Variants in AGTPBP1 observed in about 807,000 individuals in gnomAD.
AGTPBP1 encodes the protein ATP/GTP binding carboxypeptidase 1.
In AGTPBP1, 70 loss-of-function variants were observed where a neutral mutation model predicts 143.9. The observed-to-expected ratio is 0.49, with a 90% confidence interval of 0.40 to 0.59. The LOEUF is 0.59. AGTPBP1 is among the 20% of genes least tolerant of loss of function. The probability of loss-of-function intolerance (pLI) is 0.00; values close to 1 mark genes in which losing one functional copy is unlikely to be tolerated. For missense variants in AGTPBP1, 1,229 were observed against 1,464.5 expected (o/e 0.84, Z 2.62); for synonymous variants, 463 against 500.2 (o/e 0.93, Z 0.99).
intron 25 of AGTPBP1, among the ~76,000 whole-genome samples, chr9:85,558,676 C>T (rs941644366): frequency 2.0e-5 from 3 of 152,072 alleles, no homozygotes; most frequent in Admixed American, 6.5e-5. Flanking sequence ...TACAATACAA[C>T]GACATGATCT....
chr9:85,755,033 T>C, the AGTPBP1 span, among the ~76,000 whole-genome samples: 431 of 152,352 alleles, frequency 2.8e-3, 3 homozygotes, highest in Middle Eastern at 0.017. Context: ...GTAGAGCTAC[T>C]ATAATATTTT....
chr9:85,595,664 T>G (rs936908402), intron 18 of AGTPBP1, among the ~76,000 whole-genome samples: 1 of 152,054 alleles, frequency 6.6e-6, no homozygotes, highest in Non-Finnish European at 1.5e-5. Context: ...GTAGCTGGGA[T>G]TACAGGTGTG....
At chr9:85,555,414 A>G (rs956732740) in intron 25 of AGTPBP1, among the ~76,000 whole-genome samples, 1 of 152,166 alleles carries the variant, frequency 6.6e-6, no homozygotes, top group African/African-American at 2.4e-5. Context: ...CCTGGGGAAC[A>G]TGGTGAAACC....
chr9:85,679,447 A>T (rs1362197949), intron 4 of AGTPBP1, among the ~76,000 whole-genome samples: 1 of 151,612 alleles, frequency 6.6e-6, no homozygotes, highest in Non-Finnish European at 1.5e-5. Flanking sequence ...TCGCTCTGTC[A>T]CCCAGGATGG....
chr9:85,698,294 G>A (rs1482498984), intron 2 of AGTPBP1, among the ~76,000 whole-genome samples: 1 of 152,240 alleles, frequency 6.6e-6, no homozygotes, highest in East Asian at 1.9e-4. Context: ...ATTCCTTTGT[G>A]AGAATCATCC....
Position 85,692,750 on chromosome 9 carries a change from AG to A in AGTPBP1, c.95del (p.Pro32LeufsTer28). 1 of 1,614,028 alleles carries A rather than the reference AG, an allele frequency of 6.2e-7. No homozygotes were observed. The highest frequency in any genetic ancestry group is 8.5e-7 in the Non-Finnish European group (1 of 1,179,946). ...LAQLEKINAE[P>X]SESDTARYVT... The stretch of plus-strand genomic sequence containing the variant: ...CATATCGGGCAGTGTCTGATTCTGA[AG>A]GCTCAGCATTGATCTTCTCCAGTTG... On this transcript the variant is annotated frameshift_variant, in exon 3 of 26. Coordinates refer to ENST00000357081, the MANE Select transcript of AGTPBP1 (RefSeq NM_001330701.2). LOFTEE classifies it high-confidence loss of function.
intron 14 of AGTPBP1, among the ~76,000 whole-genome samples, chr9:85,627,551 C>T (rs1831381115): frequency 6.6e-6 from 1 of 152,180 alleles, no homozygotes; most frequent in Non-Finnish European, 1.5e-5. Flanking sequence ...AAGATCCACA[C>T]TGCACTGCTC....
the AGTPBP1 span, among the ~76,000 whole-genome samples, chr9:85,798,884 T>C: frequency 6.6e-6 from 1 of 152,188 alleles, no homozygotes; most frequent in East Asian, 1.9e-4. Flanking sequence ...AGTTCTAGGG[T>C]ACATGTGTAC....
At chr9:85,688,882 C>T (rs965404470) in intron 3 of AGTPBP1, among the ~76,000 whole-genome samples, 8 of 152,178 alleles carry the variant, frequency 5.3e-5, no homozygotes, top group Admixed American at 3.3e-4. Flanking sequence ...TCCCCCATTC[C>T]TATTCCATCA....
chr9:85,741,954 T>C lies in AGTPBP1; in HGVS notation c.-213A>G. On this transcript the variant is annotated 5_prime_UTR_variant, in exon 1 of 26. Transcript: ENST00000357081. The stretch of plus-strand genomic sequence containing the variant: ...CGGCGGCGCTGGAGGCGGCGGAACC[T>C]GTCCGCATCCCGGGCAACGTCAGCG... 1 of 1,272,356 alleles carries C rather than the reference T, an allele frequency of 7.9e-7. No individual in the cohort carries two copies. The allele number at this position is 1,272,356 out of a possible 1,614,324, so 78.8% of individuals were successfully genotyped here.
intron 3 of AGTPBP1, among the ~76,000 whole-genome samples, chr9:85,690,940 T>C (rs1258557075): frequency 6.6e-6 from 1 of 152,146 alleles, no homozygotes; most frequent in Non-Finnish European, 1.5e-5. Context: ...GGGTTCTAGG[T>C]TGTGACACAA....
intron 6 of AGTPBP1, among the ~76,000 whole-genome samples, chr9:85,673,682 T>C (rs1484804344): frequency 1.3e-5 from 2 of 151,936 alleles, no homozygotes; most frequent in Admixed American, 6.6e-5. Flanking sequence ...GGGGTGAAGG[T>C]TGAAAAATTA....
intron 2 of AGTPBP1, among the ~76,000 whole-genome samples, chr9:85,699,582 T>TA (rs564293037): frequency 0.011 from 1,560 of 142,004 alleles, 24 homozygotes; most frequent in African/African-American, 0.038. Context: ...ATAAATACGG[T>TA]AAAAAAAAAT....
At chr9:85,802,050 T>C in the AGTPBP1 span, among the ~76,000 whole-genome samples, 1 of 152,228 alleles carries the variant, frequency 6.6e-6, no homozygotes, top group African/African-American at 2.4e-5. Context: ...TTGTACCCTC[T>C]GGTACCTCAA....
upstream of AGTPBP1, among the ~76,000 whole-genome samples, chr9:85,746,805 T>G (rs1588024772): frequency 6.6e-6 from 1 of 152,276 alleles, no homozygotes; most frequent in Non-Finnish European, 1.5e-5. Flanking sequence ...TATGTTAGCT[T>G]GACTATAGTA....
intron 1 of AGTPBP1, among the ~76,000 whole-genome samples, chr9:85,731,187 T>A (rs1838855702): frequency 6.6e-6 from 1 of 152,218 alleles, no homozygotes; most frequent in African/African-American, 2.4e-5. Context: ...TATTCAATAT[T>A]TTAATTGGAA....
chr9:85,551,937 T>G (rs1387830185), intron 25 of AGTPBP1, among the ~76,000 whole-genome samples: 1 of 152,242 alleles, frequency 6.6e-6, no homozygotes, highest in Non-Finnish European at 1.5e-5. Flanking sequence ...TCATGATTAC[T>G]TTGTTTTAAC....
At chr9:85,579,968 G>A (rs1225243409) in intron 23 of AGTPBP1, among the ~76,000 whole-genome samples, 2 of 150,854 alleles carry the variant, frequency 1.3e-5, no homozygotes, top group African/African-American at 2.4e-5. Context: ...AGAATGGGTC[G>A]GGCTCACACC....
At chr9:85,580,203 C>T (rs2133104192) in intron 23 of AGTPBP1, among the ~76,000 whole-genome samples, 1 of 150,424 alleles carries the variant, frequency 6.6e-6, no homozygotes, top group East Asian at 1.9e-4. Flanking sequence ...CACCATTGCA[C>T]TCCAGCCTGG....
Sources: gnomAD v4.1 joint callset for allele counts (sites outside exome capture counted in the v4.1 genomes callset) on GRCh38, gnomAD v4.1.1 for gene constraint, MANE v1.5 for transcripts, NCBI Gene and HGNC (gene_info 2026-07-23, HGNC 2026-07-21) for gene names.